Variants in GSE1 observed in about 807,000 individuals in gnomAD.
GSE1 encodes the protein Gse1 coiled-coil protein, also known as genetic suppressor element 1.
GSE1 carries 32 observed loss-of-function variants against 112.6 expected under a neutral mutation model. The ratio of observed to expected loss-of-function variants is 0.28; its 90% CI spans 0.21 to 0.38. The LOEUF (loss-of-function observed/expected upper bound fraction) is 0.38, where lower values mean the gene tolerates loss of function less well. GSE1 is among the 10% of genes least tolerant of loss of function. The probability of loss-of-function intolerance (pLI) is 1.00; values close to 1 mark genes in which losing one functional copy is unlikely to be tolerated. For missense variants in GSE1, 2,348 were observed against 1,699.2 expected, an observed-to-expected ratio of 1.38 and a Z score of -6.71; for synonymous variants, 1,115 against 735.6, an observed-to-expected ratio of 1.52 and a Z score of -8.35.
At chr16:85,543,059 C>G (rs1038250491) in intron 2 of GSE1, among the ~76,000 whole-genome samples, 8 of 152,246 alleles carry the variant, frequency 5.3e-5, no homozygotes, top group Admixed American at 3.9e-4. Flanking sequence ...AACTCCATCT[C>G]TACTAAAAAT....
intron 2 of GSE1, among the ~76,000 whole-genome samples, chr16:85,522,477 A>T (rs1310975612): frequency 1.3e-5 from 2 of 148,382 alleles, no homozygotes; most frequent in East Asian, 4.0e-4. Context: ...CATCCAACCG[A>T]CTCACCCCCG....
intron 1 of GSE1, among the ~76,000 whole-genome samples, chr16:85,248,484 C>G (rs1463548119): frequency 6.6e-6 from 1 of 151,980 alleles, no homozygotes; most frequent in Non-Finnish European, 1.5e-5. Context: ...CCGTCTTTCT[C>G]TCTCCCTCCC....
intron 1 of GSE1, among the ~76,000 whole-genome samples, chr16:85,627,632 A>G (rs2049184451): frequency 6.6e-6 from 1 of 152,074 alleles, no homozygotes; most frequent in South Asian, 2.1e-4. Flanking sequence ...GCTGAGCTGC[A>G]CATGTCAAGA....
chr16:85,482,326 C>T (rs2050705766), intron 2 of GSE1, among the ~76,000 whole-genome samples: 1 of 152,214 alleles, frequency 6.6e-6, no homozygotes, highest in Non-Finnish European at 1.5e-5. Context: ...TTGCGTGCTT[C>T]CTGGAGGAGG....
intron 1 of GSE1, among the ~76,000 whole-genome samples, chr16:85,269,332 G>T (rs1908591426): frequency 6.7e-6 from 1 of 149,328 alleles, no homozygotes; most frequent in South Asian, 2.1e-4. Flanking sequence ...AGCAGCATCA[G>T]AGGCAGGCTG....
intron 2 of GSE1, among the ~76,000 whole-genome samples, chr16:85,378,816 C>T (rs56869874): frequency 0.023 from 3,509 of 152,266 alleles, 123 homozygotes; most frequent in African/African-American, 0.081. Context: ...TGGCTACCCC[C>T]GTGCTGCTCT....
chr16:85,567,221 G>T (rs963937441), intron 1 of GSE1, among the ~76,000 whole-genome samples: 1 of 152,134 alleles, frequency 6.6e-6, no homozygotes, highest in African/African-American at 2.4e-5. Context: ...CGGCTGGTGG[G>T]TGGGTCTGCA....
chr16:85,502,086 C>T (rs958227035), intron 2 of GSE1, among the ~76,000 whole-genome samples: 1 of 151,924 alleles, frequency 6.6e-6, no homozygotes, highest in African/African-American at 2.4e-5. Context: ...GATGGGGGTC[C>T]GTGGGAAGGG....
intron 1 of GSE1, among the ~76,000 whole-genome samples, chr16:85,246,256 T>TGC (rs1555546419): frequency 8.8e-4 from 77 of 87,046 alleles, no homozygotes; most frequent in South Asian, 3.2e-3. Flanking sequence ...ACACGCTGTC[T>TGC]ACACACACAC....
upstream of GSE1, among the ~76,000 whole-genome samples, chr16:85,606,579 C>T (rs1013635232): frequency 6.6e-6 from 1 of 152,216 alleles, no homozygotes; most frequent in Admixed American, 6.5e-5. Flanking sequence ...GGTCCTGGAG[C>T]TTCTGGGTGA....
chr16:85,394,790 C>T (rs1469808189), intron 2 of GSE1, among the ~76,000 whole-genome samples: 1 of 152,116 alleles, frequency 6.6e-6, no homozygotes, highest in African/African-American at 2.4e-5. Flanking sequence ...GTTCGTGCCA[C>T]TTCCAAAAAT....
At chr16:85,213,129 C>T (rs1043249681) in intron 1 of GSE1, among the ~76,000 whole-genome samples, 57 of 151,940 alleles carry the variant, frequency 3.8e-4, no homozygotes, top group African/African-American at 1.3e-3. Flanking sequence ...ATTAGCCAGC[C>T]GTGGTGGCGC....
chr16:85,666,162 G>T lies in GSE1; in HGVS notation c.2945G>T (p.Gly982Val), dbSNP rs767770596. ...GCCAGGCTGAGCGAGGCCCCTGGAG[G>T]CAAAAAGAGTCTGAGCATGCTTCAC... ...EKARLSEAPGGKKSLSMLHYI... is the reference protein window; with the variant it reads ...EKARLSEAPGVKKSLSMLHYI... Residue 982 changes from glycine to valine, a missense_variant, in exon 13 of 16, where the codon GGC (glycine) becomes GTC (valine). Gly to Val is a moderately radical substitution (Grantham distance 109). Coordinates refer to ENST00000253458, the MANE Select transcript of GSE1 (RefSeq NM_014615.5). 5 of 1,613,422 alleles carry T rather than the reference G, an allele frequency of 3.1e-6. No individual in the cohort carries two copies. The South Asian group carries it at 5.5e-5, about 18-fold the overall frequency.
chr16:85,475,346 G>A (rs1334233393), intron 2 of GSE1, among the ~76,000 whole-genome samples: 2 of 152,210 alleles, frequency 1.3e-5, no homozygotes, highest in Admixed American at 6.5e-5. Context: ...CTGTACCTGG[G>A]TGGGGTGGGA....
intron 2 of GSE1, among the ~76,000 whole-genome samples, chr16:85,637,298 G>T (rs1228823275): frequency 6.6e-6 from 1 of 152,216 alleles, no homozygotes; most frequent in African/African-American, 2.4e-5. Context: ...GACATCTCCT[G>T]GTCCTTGTGG....
intron 2 of GSE1, among the ~76,000 whole-genome samples, chr16:85,376,367 G>A (rs1347898964): frequency 6.6e-6 from 1 of 152,230 alleles, no homozygotes; most frequent in African/African-American, 2.4e-5. Context: ...TAGGATTACT[G>A]CAACTGTTGG....
At chr16:85,395,520 A>G (rs1170140746) in intron 2 of GSE1, among the ~76,000 whole-genome samples, 2 of 152,178 alleles carry the variant, frequency 1.3e-5, no homozygotes, top group African/African-American at 4.8e-5. Context: ...ACAGGCTGGC[A>G]TGTTCGCTGC....
chr16:85,615,087 C>A (rs987963161), intron 1 of GSE1, among the ~76,000 whole-genome samples: 1 of 152,216 alleles, frequency 6.6e-6, no homozygotes, highest in African/African-American at 2.4e-5. Flanking sequence ...CCTTCCCTGG[C>A]CTCCCTCGGT....
chr16:85,478,911 CTTTCTTTCTTT>C (rs2050572048), intron 2 of GSE1, among the ~76,000 whole-genome samples: 3 of 58,612 alleles, frequency 5.1e-5, no homozygotes, highest in African/African-American at 9.0e-5. Context: ...TTCTTTCTTT[CTTTCTTTCTTT>C]CTTTCTCTTT....
Sources: gnomAD v4.1 joint callset for allele counts (sites outside exome capture counted in the v4.1 genomes callset) on GRCh38, gnomAD v4.1.1 for gene constraint, MANE v1.5 for transcripts, NCBI Gene and HGNC (gene_info 2026-07-23, HGNC 2026-07-21) for gene names.